Variants in NAA11 observed in about 807,000 individuals in gnomAD.
The protein encoded by NAA11 is N-alpha-acetyltransferase 11, NatA catalytic subunit.
Under a neutral mutation model 16.1 loss-of-function variants are expected in NAA11, and 15 were observed. That is an observed-to-expected ratio of 0.93 (90% confidence interval 0.62 to 1.44). NAA11 has a LOEUF of 1.44. Ranked by LOEUF, NAA11 falls within the 40% of genes most tolerant of loss-of-function variation. NAA11 has a pLI of 0.00. For synonymous variants in NAA11, 122 were observed against 112.4 expected, an observed-to-expected ratio of 1.09 and a Z score of -0.54; for missense variants, 298 against 291.3, an observed-to-expected ratio of 1.02 and a Z score of -0.17.
chr4:79,303,346 G>T (rs1320907341), intron 1 of NAA11, among the ~76,000 whole-genome samples: 1 of 151,796 alleles, frequency 6.6e-6, no homozygotes, highest in African/African-American at 2.4e-5. Context: ...TTGAGTAGGG[G>T]TCTTGCTCTG....
intron 1 of NAA11, 69 bp from the exon 2 acceptor site, chr4:79,317,860 A>G (rs977302346): frequency 1.3e-5 from 2 of 152,216 alleles, no homozygotes; most frequent in African/African-American, 2.4e-5. Flanking sequence ...CTGAAAGAAT[A>G]CTGGTTTAGT....
chr4:79,195,418 A>T, the NAA11 span, among the ~76,000 whole-genome samples: 3 of 152,008 alleles, frequency 2.0e-5, no homozygotes, highest in African/African-American at 7.2e-5. Context: ...CTAAATAAAT[A>T]TTTTTTTACA....
At chr4:79,194,152 A>G in the NAA11 span, among the ~76,000 whole-genome samples, 1 of 152,084 alleles carries the variant, frequency 6.6e-6, no homozygotes, top group Non-Finnish European at 1.5e-5. Flanking sequence ...TAGATATACA[A>G]TCATGTCATC....
chr4:79,228,981 A>G (rs1030399045), intron 2 of NAA11, among the ~76,000 whole-genome samples: 1 of 152,004 alleles, frequency 6.6e-6, no homozygotes, highest in Admixed American at 6.6e-5. Context: ...TTTGTCAAAT[A>G]TATGATTCAC....
At chr4:79,247,794 G>A (rs531494068) in intron 2 of NAA11, among the ~76,000 whole-genome samples, 2 of 152,262 alleles carry the variant, frequency 1.3e-5, no homozygotes, top group African/African-American at 4.8e-5. Flanking sequence ...CAGGTGTGGA[G>A]CAACCTCCTC....
the NAA11 span, among the ~76,000 whole-genome samples, chr4:79,202,623 TTATATATATATATATATATA>T: frequency 5.7e-5 from 3 of 52,622 alleles, no homozygotes; most frequent in East Asian, 2.8e-3. Flanking sequence ...ATATATAGTT[TTATATATATATATATATATA>T]TATATATCTG....
intron 2 of NAA11, among the ~76,000 whole-genome samples, chr4:79,268,857 C>G (rs1722412467): frequency 8.8e-6 from 1 of 113,024 alleles, no homozygotes; most frequent in Non-Finnish European, 1.8e-5. Flanking sequence ...CCCCCTCCCC[C>G]CACCCCACCA....
chr4:79,214,365 T>C, the NAA11 span, among the ~76,000 whole-genome samples: 559 of 152,282 alleles, frequency 3.7e-3, 4 homozygotes, highest in African/African-American at 0.013. Context: ...CCCCTGGCCC[T>C]GCAAAAGGAT....
At chr4:79,315,393 C>T (rs1003906541), downstream of NAA11, among the ~76,000 whole-genome samples, 3 of 152,082 alleles carry the variant, frequency 2.0e-5, no homozygotes, top group Admixed American at 1.3e-4. Context: ...GGTCATCTCT[C>T]GCTTCTTGCT....
At chr4:79,320,037 C>G (rs929271023) in intron 1 of NAA11, among the ~76,000 whole-genome samples, 6 of 152,140 alleles carry the variant, frequency 3.9e-5, no homozygotes, top group Non-Finnish European at 8.8e-5. Context: ...ATTGAAAACA[C>G]TAAGATTTTG....
At chr4:79,324,171 CTTCT>C (rs1325283488) in intron 1 of NAA11, among the ~76,000 whole-genome samples, 1 of 152,028 alleles carries the variant, frequency 6.6e-6, no homozygotes, top group African/African-American at 2.4e-5. Context: ...CAATCTTTTT[CTTCT>C]TTTTTTGCTG....
At chr4:79,193,820 A>G in the NAA11 span, among the ~76,000 whole-genome samples, 8 of 152,164 alleles carry the variant, frequency 5.3e-5, no homozygotes, top group Admixed American at 2.0e-4. Context: ...CTTGCGCAGT[A>G]TGGCCATTTT....
At chr4:79,321,069 A>G (rs1724075087) in intron 1 of NAA11, among the ~76,000 whole-genome samples, 1 of 152,202 alleles carries the variant, frequency 6.6e-6, no homozygotes, top group African/African-American at 2.4e-5. Context: ...TGGCAGCAAG[A>G]TAACAGAATC....
chr4:79,216,973 G>C, the NAA11 span, among the ~76,000 whole-genome samples: 4 of 152,100 alleles, frequency 2.6e-5, no homozygotes, highest in African/African-American at 9.7e-5. Context: ...GCTCTCCTCC[G>C]TACCTCTAAT....
At chr4:79,235,837 C>T (rs1366949372) in intron 2 of NAA11, among the ~76,000 whole-genome samples, 1 of 151,934 alleles carries the variant, frequency 6.6e-6, no homozygotes, top group Non-Finnish European at 1.5e-5. Context: ...GTTCATCCAA[C>T]ACTTCTAACC....
chr4:79,161,768 G>A, the NAA11 span, among the ~76,000 whole-genome samples: 803 of 151,248 alleles, frequency 5.3e-3, 6 homozygotes, highest in African/African-American at 0.018. Context: ...TCCACCTCCC[G>A]GCCTCCCGGG....
chr4:79,283,184 T>C (rs1722834762), intron 2 of NAA11, among the ~76,000 whole-genome samples: 1 of 151,854 alleles, frequency 6.6e-6, no homozygotes, highest in African/African-American at 2.4e-5. Flanking sequence ...GGTAATGCAA[T>C]AGAGAAGAGA....
chr4:79,219,047 C>T, the NAA11 span, among the ~76,000 whole-genome samples: 1 of 151,824 alleles, frequency 6.6e-6, no homozygotes, highest in African/African-American at 2.4e-5. Context: ...CATTAAGAAA[C>T]ATATTTATAA....
intron 2 of NAA11, among the ~76,000 whole-genome samples, chr4:79,246,376 CTAAAAA>C (rs1429442736): frequency 8.8e-6 from 1 of 114,188 alleles, no homozygotes; most frequent in Non-Finnish European, 1.8e-5. Flanking sequence ...TCAATAAATA[CTAAAAA>C]AAAAAAAAAA....
Sources: gnomAD v4.1 joint callset for allele counts (sites outside exome capture counted in the v4.1 genomes callset) on GRCh38, gnomAD v4.1.1 for gene constraint, MANE v1.5 for transcripts, NCBI Gene and HGNC (gene_info 2026-07-23, HGNC 2026-07-21) for gene names.